The following MYT1L variants were observed in gnomAD, a reference collection of about 807,000 sequenced individuals.
The protein encoded by MYT1L is myelin transcription factor 1-like protein.
Under a neutral mutation model 126.7 loss-of-function variants are expected in MYT1L, and 12 were observed. The ratio of observed to expected loss-of-function variants is 0.09; its 90% CI spans 0.06 to 0.15. MYT1L has a LOEUF of 0.15. Among genes scored for constraint, MYT1L ranks in the 10% least tolerant of loss-of-function variants. The pLI, the probability that MYT1L is intolerant of heterozygous loss-of-function variation, is 1.00. For missense variants in MYT1L, 979 were observed against 1,585.2 expected, an observed-to-expected ratio of 0.62 and a Z score of 6.49; for synonymous variants, 541 against 604.2, an observed-to-expected ratio of 0.90 and a Z score of 1.53.
At chr2:2,146,138 G>A (rs1357580262) in intron 3 of MYT1L, among the ~76,000 whole-genome samples, 1 of 152,154 alleles carries the variant, frequency 6.6e-6, no homozygotes, top group Non-Finnish European at 1.5e-5. Flanking sequence ...CAGTAACTAA[G>A]CACATCAGGA....
At chr2:2,313,455 A>G (rs958596590) in intron 1 of MYT1L, among the ~76,000 whole-genome samples, 1 of 152,192 alleles carries the variant, frequency 6.6e-6, no homozygotes, top group African/African-American at 2.4e-5. Context: ...ATCTGAAAGC[A>G]GATAACAAAT....
At chr2:1,830,824 T>G (rs10174109) in intron 21 of MYT1L, among the ~76,000 whole-genome samples, 2 of 151,548 alleles carry the variant, frequency 1.3e-5, no homozygotes, top group Non-Finnish European at 1.5e-5. Context: ...CCTCGCCTGC[T>G]GGCTGGCTGC....
intron 3 of MYT1L, among the ~76,000 whole-genome samples, chr2:2,081,250 G>A (rs1287064015): frequency 6.6e-6 from 1 of 152,172 alleles, no homozygotes; most frequent in African/African-American, 2.4e-5. Context: ...GTTCTGTAGA[G>A]AGAGCAAAGG....
At chr2:2,237,550 G>C (rs1420020642) in intron 2 of MYT1L, among the ~76,000 whole-genome samples, 1 of 152,176 alleles carries the variant, frequency 6.6e-6, no homozygotes, top group Non-Finnish European at 1.5e-5. Context: ...TGCTTAAAAT[G>C]CATAATTGAA....
At chr2:1,812,751 C>CTAT (rs1236316777) in intron 21 of MYT1L, among the ~76,000 whole-genome samples, 1 of 151,900 alleles carries the variant, frequency 6.6e-6, no homozygotes, top group Non-Finnish European at 1.5e-5. Flanking sequence ...TGGCAGGTGC[C>CTAT]TATAATCCCA....
chr2:2,055,985 G>C (rs965833563), intron 3 of MYT1L, among the ~76,000 whole-genome samples: 10 of 152,236 alleles, frequency 6.6e-5, no homozygotes, highest in Non-Finnish European at 1.3e-4. Context: ...TGTGGGAGCA[G>C]CCGCAGTCCC....
chr2:1,815,985 TC>T (rs1482027505), intron 21 of MYT1L, among the ~76,000 whole-genome samples: 4 of 152,100 alleles, frequency 2.6e-5, no homozygotes, highest in Non-Finnish European at 5.9e-5. Flanking sequence ...CACAGTTATC[TC>T]TTTTTTTTCT....
chr2:2,057,914 T>C (rs543738628), intron 3 of MYT1L, among the ~76,000 whole-genome samples: 1 of 152,292 alleles, frequency 6.6e-6, no homozygotes, highest in East Asian at 1.9e-4. Flanking sequence ...TGTGTGCAGG[T>C]TTTACTGTGA....
intron 1 of MYT1L, among the ~76,000 whole-genome samples, chr2:2,323,031 A>T (rs1047561806): frequency 1.6e-4 from 25 of 152,194 alleles, no homozygotes; most frequent in Non-Finnish European, 2.9e-5. Context: ...TGAAAAAACA[A>T]TAGATAATTT....
At position 2,082,446 on chromosome 2, in the gene MYT1L, G is replaced by C. The variant is rs143676960; in HGVS notation, c.-303-28323C>G. On this transcript the variant is annotated intron_variant, in intron 3 of 24. Transcript: ENST00000647738. ...ACACGAGCAAGTGATGCTGTTGTAG[G>C]TGACAAGGGCAGTTGTCACATGCCT... Among the ~76,000 whole-genome samples the C allele has an allele frequency of 2.1e-3, 323 of 152,286 alleles. 1 individual carries two copies. Among genetic ancestry groups the C allele is most frequent in the African/African-American group, 7.6e-3 (316 of 41,578 alleles).
chr2:2,104,566 G>T (rs570127696), intron 3 of MYT1L, among the ~76,000 whole-genome samples: 1 of 152,234 alleles, frequency 6.6e-6, no homozygotes, highest in African/African-American at 2.4e-5. Context: ...CGGCTCCAAG[G>T]CTGGCTCGCC....
intron 3 of MYT1L, among the ~76,000 whole-genome samples, chr2:2,103,640 C>T (rs1175905023): frequency 6.6e-6 from 1 of 152,268 alleles, no homozygotes; most frequent in African/African-American, 2.4e-5. Flanking sequence ...GAGGTGGGCT[C>T]TGCAGGTGCA....
At chr2:1,823,377 T>C (rs2038835648) in intron 21 of MYT1L, among the ~76,000 whole-genome samples, 1 of 152,220 alleles carries the variant, frequency 6.6e-6, no homozygotes, top group African/African-American at 2.4e-5. Context: ...GCTGTAGTTG[T>C]AGCCTTCTCT....
rs531046106 is a variant in MYT1L at position 2,116,718 on chromosome 2, G to A, written c.-304+56154C>T. On this transcript the variant is annotated intron_variant, in intron 3 of 24. Coordinates refer to ENST00000647738, the MANE Select transcript of MYT1L (RefSeq NM_001303052.2). ...TAGGTCTCTTGGAAGATCCGCCCCC[G>A]GGAAAGCCAGGCCATGTAAGACCAT... 3.3e-5 allele frequency among the ~76,000 whole-genome samples: 5 copies of A among 152,364 alleles called. No homozygotes were observed. The South Asian group carries it at 1.0e-3, about 32-fold the overall frequency.
chr2:2,304,090 T>G (rs2095825596), intron 1 of MYT1L: 1 of 152,174 alleles, frequency 6.6e-6, no homozygotes, highest in African/African-American at 2.4e-5. Context: ...AAAAATAAAG[T>G]GAGACGCTAT....
intron 8 of MYT1L, among the ~76,000 whole-genome samples, chr2:1,947,213 G>A (rs1487367364): frequency 6.6e-6 from 1 of 152,104 alleles, no homozygotes; most frequent in African/African-American, 2.4e-5. Context: ...GGGTAAGGTG[G>A]GGCTCCTGTT....
In MYT1L at chr2:1,889,482, C is replaced by T. The variant is rs772684698; in HGVS notation, c.2284-5G>A. On this transcript the variant is annotated splice_region_variant and splice_polypyrimidine_tract_variant and intron_variant, in intron 15 of 24. Coordinates refer to ENST00000647738, the MANE Select transcript of MYT1L (RefSeq NM_001303052.2). This position sits in a 1 kb window ranked among gnomAD's most constrained non-coding sequence, Gnocchi z 4.1. ...ATCCACCTCCATGTCAGGGTTCTGT[C>T]GGTAGAAAGACATAGTGACTGTGCT... is the stretch of plus-strand genomic sequence containing the variant. 21 of 1,588,102 alleles carry T rather than the reference C, an allele frequency of 1.3e-5. No homozygotes were observed. The highest frequency in any genetic ancestry group is 2.7e-5 in the African/African-American group (2 of 74,326).
chr2:2,054,396 G>C (rs1004993686), intron 3 of MYT1L, among the ~76,000 whole-genome samples: 1 of 151,900 alleles, frequency 6.6e-6, no homozygotes. Context: ...AATACACAGA[G>C]ACCATAAGAC....
chr2:1,949,348 A>C (rs1403955739), intron 8 of MYT1L, among the ~76,000 whole-genome samples: 1 of 152,172 alleles, frequency 6.6e-6, no homozygotes, highest in Admixed American at 6.5e-5. Flanking sequence ...AGGGTTACAC[A>C]TGGAGGCCTG....
Sources: gnomAD v4.1 joint callset for allele counts (sites outside exome capture counted in the v4.1 genomes callset) on GRCh38, gnomAD v4.1.1 for gene constraint, Gnocchi (gnomAD v3.1) non-coding constraint, MANE v1.5 for transcripts, NCBI Gene and HGNC (gene_info 2026-07-23, HGNC 2026-07-21) for gene names.